The following AK8 variants were observed in gnomAD, a reference collection of about 807,000 sequenced individuals.
AK8 encodes the protein ATP-AMP transphosphorylase 8.
In AK8, 44 loss-of-function variants were observed where a neutral mutation model predicts 54.6. The observed-to-expected ratio is 0.81, with a 90% CI of 0.63 to 1.04. The LOEUF (loss-of-function observed/expected upper bound fraction) is 1.04. Ranked by LOEUF, AK8 falls within the 50% of genes least tolerant of loss-of-function variation. The pLI, the probability that AK8 is intolerant of heterozygous loss-of-function variation, is 0.00. For synonymous variants in AK8, 239 were observed against 245.6 expected (o/e 0.97, Z 0.25); for missense variants, 555 against 613.6 (o/e 0.90, Z 1.01).
chr9:132,744,884 C>T (rs897135519), intron 11 of AK8, among the ~76,000 whole-genome samples: 5 of 152,206 alleles, frequency 3.3e-5, no homozygotes, highest in African/African-American at 9.7e-5. Context: ...AATTAATTTA[C>T]ACTGGGCTCG....
chr9:132,732,696 C>T (rs550231386), intron 11 of AK8, among the ~76,000 whole-genome samples: 3 of 152,078 alleles, frequency 2.0e-5, no homozygotes, highest in East Asian at 3.9e-4. Flanking sequence ...GTTCACGCCA[C>T]GAGAGCAGAA....
At chr9:132,828,161 A>G (rs757810166) in intron 6 of AK8, 77 bp from the exon 7 acceptor site, 17 of 1,300,804 alleles carry the variant, frequency 1.3e-5, no homozygotes, top group Non-Finnish European at 1.7e-5. Flanking sequence ...ACAGACCAAT[A>G]CTTGCTTTAC....
chr9:132,875,334 C>T, intron 1 of AK8, 135 bp from the exon 2 acceptor site: 1 of 1,482,416 alleles, frequency 6.7e-7, no homozygotes, highest in Non-Finnish European at 9.0e-7. Flanking sequence ...CAGCCACCGC[C>T]CCAGCTGGCA....
At chr9:132,776,976 C>G (rs1041650895) in intron 11 of AK8, among the ~76,000 whole-genome samples, 6 of 152,152 alleles carry the variant, frequency 3.9e-5, no homozygotes, top group Admixed American at 6.5e-5. Context: ...ACATTAGACC[C>G]CTGGTTCCAT....
chr9:132,840,815 C>T (rs531424158), intron 5 of AK8, among the ~76,000 whole-genome samples: 54 of 152,206 alleles, frequency 3.5e-4, no homozygotes, highest in Non-Finnish European at 8.8e-5. Flanking sequence ...ATCACTTGAA[C>T]CCAGGAGGCG....
upstream of AK8, chr9:132,878,358 C>A: frequency 8.0e-7 from 1 of 1,256,148 alleles, no homozygotes. The surrounding 1 kb of genome is among the most constrained non-coding windows in gnomAD (Gnocchi z 4.7). Context: ...AGGCTCCGCG[C>A]CGGGCCCAGA....
At chr9:132,780,307 G>T (rs960266391) in intron 11 of AK8, among the ~76,000 whole-genome samples, 2 of 152,232 alleles carry the variant, frequency 1.3e-5, no homozygotes, top group Admixed American at 1.3e-4. Context: ...AGACCTGAGG[G>T]GACAGGCTTG....
At chr9:132,848,793 A>C (rs1349921492) in intron 5 of AK8, among the ~76,000 whole-genome samples, 2 of 152,136 alleles carry the variant, frequency 1.3e-5, no homozygotes, top group African/African-American at 4.8e-5. Flanking sequence ...GGGGGCACTC[A>C]ACTGGAGATG....
rs561586697 is a variant in AK8 at position 132,797,507 on chromosome 9, G to A, written c.980-4732C>T. On this transcript the variant is annotated intron_variant, in intron 10 of 12. Coordinates refer to ENST00000298545, the MANE Select transcript of AK8 (RefSeq NM_152572.3). ...CATCTCTACGTGATCACCCACTCGT[G>A]AATTAAATATGCAGCCAAAAGAATG... Among the ~76,000 whole-genome samples, 4 of 152,206 alleles carry A rather than the reference G, an allele frequency of 2.6e-5. No homozygotes were observed. The East Asian group carries it at 7.7e-4, about 29-fold the overall frequency.
At chr9:132,809,999 C>A (rs575449614) in intron 10 of AK8, among the ~76,000 whole-genome samples, 3 of 152,360 alleles carry the variant, frequency 2.0e-5, no homozygotes, top group East Asian at 3.9e-4. Flanking sequence ...TGGGTCCCTG[C>A]CAGACCTGGG....
intron 12 of AK8, among the ~76,000 whole-genome samples, chr9:132,726,340 G>T (rs1351821418): frequency 1.3e-5 from 2 of 148,518 alleles, no homozygotes; most frequent in Non-Finnish European, 3.0e-5. Flanking sequence ...TTTGAGACAG[G>T]GTCTCACTCT....
chr9:132,811,739 T>C (rs1841019989), intron 10 of AK8, among the ~76,000 whole-genome samples: 1 of 152,232 alleles, frequency 6.6e-6, no homozygotes, highest in African/African-American at 2.4e-5. Context: ...CCACTGTTCA[T>C]GGGCATCACT....
At chr9:132,768,338 G>T (rs1455386507) in intron 11 of AK8, among the ~76,000 whole-genome samples, 2 of 151,376 alleles carry the variant, frequency 1.3e-5, no homozygotes, top group African/African-American at 4.9e-5. Flanking sequence ...CGCCATCTCA[G>T]CTCATTGCAA....
chr9:132,789,425 C>T (rs1429274909), intron 11 of AK8, among the ~76,000 whole-genome samples: 1 of 151,244 alleles, frequency 6.6e-6, no homozygotes, highest in Non-Finnish European at 1.5e-5. Context: ...TGGTAAAACC[C>T]GTCTCTAATA....
chr9:132,846,802 C>A (rs1454907224), intron 5 of AK8, among the ~76,000 whole-genome samples: 2 of 152,236 alleles, frequency 1.3e-5, no homozygotes, highest in Non-Finnish European at 2.9e-5. Context: ...GCCTGGTCTA[C>A]CCTGGCCAGC....
chr9:132,758,919 C>T (rs937885985), intron 11 of AK8, among the ~76,000 whole-genome samples: 7 of 151,930 alleles, frequency 4.6e-5, no homozygotes, highest in Admixed American at 1.3e-4. Flanking sequence ...CAGTTCCAGC[C>T]GGGCATGACA....
intron 10 of AK8, among the ~76,000 whole-genome samples, chr9:132,800,165 C>A (rs922375762): frequency 5.3e-5 from 8 of 152,216 alleles, no homozygotes; most frequent in African/African-American, 1.9e-4. Flanking sequence ...TGGAGGCCAT[C>A]ACTCTCGGGA....
intron 10 of AK8, among the ~76,000 whole-genome samples, chr9:132,809,165 G>C (rs905322896): frequency 4.6e-5 from 7 of 152,176 alleles, no homozygotes; most frequent in African/African-American, 1.7e-4. Flanking sequence ...CTGGCACCCA[G>C]GACAGAGATA....
At chr9:132,823,917 A>G (rs1265204864) in intron 8 of AK8, among the ~76,000 whole-genome samples, 1 of 152,234 alleles carries the variant, frequency 6.6e-6, no homozygotes, top group Non-Finnish European at 1.5e-5. Flanking sequence ...TGGTGACACC[A>G]ACTTTGTTGC....
Sources: allele counts gnomAD v4.1 joint callset (sites outside exome capture counted in the v4.1 genomes callset), GRCh38; gene constraint gnomAD v4.1.1; non-coding constraint Gnocchi (gnomAD v3.1); transcripts MANE v1.5; gene names NCBI Gene and HGNC (gene_info 2026-07-23, HGNC 2026-07-21).